The following PTBP2 variants were observed in gnomAD, a reference collection of about 807,000 sequenced individuals.
PTBP2 encodes the protein polypyrimidine tract binding protein 2.
PTBP2 carries 13 observed loss-of-function variants against 61.4 expected under a neutral mutation model. The observed-to-expected ratio is 0.21, with a 90% CI of 0.14 to 0.34. The LOEUF is 0.34. Among genes scored for constraint, PTBP2 ranks in the 10% least tolerant of loss-of-function variants. The pLI, the probability that PTBP2 is intolerant of heterozygous loss-of-function variation, is 1.00. For missense variants in PTBP2, 405 were observed against 642.6 expected (o/e 0.63, Z 4.00); for synonymous variants, 215 against 218.5 (o/e 0.98, Z 0.14).
Position 96,769,691 on chromosome 1 carries a change from A to T in PTBP2, c.116-12A>T. 1 of 1,534,448 alleles carries T rather than the reference A, an allele frequency of 6.5e-7. No individual in the cohort carries two copies. The highest frequency in any genetic ancestry group is 2.1e-5 in the Admixed American group (1 of 48,616). On this transcript the variant is annotated splice_polypyrimidine_tract_variant and intron_variant, in intron 3 of 13. Transcript: ENST00000674951. ...TGTTGATATATAAGGACTGTTTTTT[A>T]ATGTCTTTCAGCCAATGGTAATGAT...
At position 96,791,826 on chromosome 1, in the gene PTBP2, C is replaced by CTTTTTTTTGTTTTTTTTTTTGTTTTTTT. The variant is rs1482989030; in HGVS notation, c.904+6580_904+6581insGTTTTTTTTTTTGTTTTTTTTTTTTTTT. 6.0e-5 allele frequency among the ~76,000 whole-genome samples: 4 copies of CTTTTTTTTGTTTTTTTTTTTGTTTTTTT among 66,126 alleles called. 1 individual carries two copies. The highest frequency in any genetic ancestry group is 1.7e-4 in the Admixed American group (1 of 5,784). The allele number at this position is 66,126 out of a possible 152,430, so 43.4% of individuals were successfully genotyped here. ...TCCACCTCTGTTGCTTGGAGTTGTG[C>CTTTTTTTTGTTTTTTTTTTTGTTTTTTT]TTTTTTTTTTTTTTTTTTTTTTTGA... On this transcript the variant is annotated intron_variant, in intron 8 of 13. Coordinates refer to ENST00000674951, the MANE Select transcript of PTBP2 (RefSeq NM_021190.4).
At chr1:96,768,649 T>A (rs927862888) in intron 3 of PTBP2, among the ~76,000 whole-genome samples, 11 of 152,000 alleles carry the variant, frequency 7.2e-5, no homozygotes, top group Non-Finnish European at 1.3e-4. Flanking sequence ...TTGAATAATA[T>A]TTTTATTTTT....
chr1:96,766,994 A>G (rs1478902018), intron 3 of PTBP2, among the ~76,000 whole-genome samples: 1 of 152,110 alleles, frequency 6.6e-6, no homozygotes, highest in African/African-American at 2.4e-5. Context: ...TTACCTGTAA[A>G]TGGGGTTGAT....
chr1:96,809,950 T>G (rs1164272864), intron 11 of PTBP2, among the ~76,000 whole-genome samples: 3 of 152,092 alleles, frequency 2.0e-5, no homozygotes, highest in Non-Finnish European at 4.4e-5. Flanking sequence ...ACAAGTTGGA[T>G]TCTTTGAAAA....
chr1:96,796,949 C>T (rs1344810280), intron 8 of PTBP2, among the ~76,000 whole-genome samples: 1 of 152,068 alleles, frequency 6.6e-6, no homozygotes, highest in African/African-American at 2.4e-5. Context: ...GAAGATGTAT[C>T]AAAAGAAGTT....
chr1:96,767,564 TCA>T (rs1042573248), intron 3 of PTBP2, among the ~76,000 whole-genome samples: 9 of 152,174 alleles, frequency 5.9e-5, no homozygotes, highest in African/African-American at 2.2e-4. Flanking sequence ...GTTTCTGTAC[TCA>T]GACTGCTTTG....
chr1:96,799,843 A>G (rs1660796030), intron 8 of PTBP2, among the ~76,000 whole-genome samples: 2 of 152,198 alleles, frequency 1.3e-5, no homozygotes, highest in South Asian at 2.1e-4. Flanking sequence ...TTTTTATTGC[A>G]GCAGACAGCA....
At chr1:96,739,306 C>CA (rs555698385) in intron 2 of PTBP2, among the ~76,000 whole-genome samples, 28 of 151,740 alleles carry the variant, frequency 1.8e-4, no homozygotes, top group Non-Finnish European at 2.8e-4. Flanking sequence ...TTTAATTGTA[C>CA]AAAAAAACAC....
At chr1:96,762,949 G>A (rs1436221934) in intron 3 of PTBP2, among the ~76,000 whole-genome samples, 13 of 151,652 alleles carry the variant, frequency 8.6e-5, no homozygotes, top group Non-Finnish European at 1.8e-4. Flanking sequence ...CGGGGCGGCG[G>A]GGCAGCGGCG....
At chr1:96,770,890 C>T in intron 5 of PTBP2, 39 bp downstream of exon 5, 1 of 1,487,934 alleles carries the variant, frequency 6.7e-7, no homozygotes, top group South Asian at 1.2e-5. Flanking sequence ...TGGCCTAGAA[C>T]ATATTATGAA....
In PTBP2 at chr1:96,777,861, T is replaced by A; in HGVS notation, c.623T>A (p.Leu208Ter). Reference sequence around the variant, plus strand: ...ATATTTTCTAAGTTTGGTGCTGTATTGAAGATAATCACATTTACAAAAAAT... The same window carrying A: ...ATATTTTCTAAGTTTGGTGCTGTATAGAAGATAATCACATTTACAAAAAAT... ...HQIFSKFGAVLKIITFTKNNQ... is the reference protein window; with the variant it reads ...HQIFSKFGAV Residue 208 changes from leucine (L) to a stop codon, truncating the protein, a stop_gained, in exon 7 of 14, where the codon TTG (leucine) becomes TAG (stop). Coordinates refer to ENST00000674951, the MANE Select transcript of PTBP2 (RefSeq NM_021190.4). LOFTEE classifies it high-confidence loss of function. 1 of 1,585,694 alleles carries A rather than the reference T, an allele frequency of 6.3e-7. No homozygotes were observed. The highest frequency in any genetic ancestry group is 8.6e-7 in the Non-Finnish European group (1 of 1,163,602).
At chr1:96,768,078 C>T (rs1416757579) in intron 3 of PTBP2, among the ~76,000 whole-genome samples, 1 of 152,046 alleles carries the variant, frequency 6.6e-6, no homozygotes, top group Non-Finnish European at 1.5e-5. Context: ...CTTCTCTGAT[C>T]ATCCAATAAA....
At chr1:96,762,623 C>T (rs1249348254) in intron 3 of PTBP2, among the ~76,000 whole-genome samples, 2 of 145,452 alleles carry the variant, frequency 1.4e-5, no homozygotes, top group Middle Eastern at 8.3e-3. Flanking sequence ...GGCGGCCGGG[C>T]AGAGGCGCCC....
exon 14 of PTBP2, chr1:96,820,208 G>A (rs1571060996): frequency 6.6e-6 from 1 of 151,846 alleles, no homozygotes; most frequent in South Asian, 2.1e-4. Flanking sequence ...CTAATTGGGG[G>A]TGGGGGCAGT....
chr1:96,723,617 A>T (rs1649952290), intron 2 of PTBP2, 23 bp downstream of exon 2: 1 of 1,555,490 alleles, frequency 6.4e-7, no homozygotes, highest in East Asian at 2.3e-5. Flanking sequence ...TATGTTTGAA[A>T]CTGGGATTGT....
intron 7 of PTBP2, among the ~76,000 whole-genome samples, chr1:96,782,976 T>C (rs1658858349): frequency 6.6e-6 from 1 of 151,966 alleles, no homozygotes; most frequent in African/African-American, 2.4e-5. Context: ...TGTCTAAACC[T>C]TCACTGTGAG....
chr1:96,811,345 A>G (rs76171282), intron 11 of PTBP2, among the ~76,000 whole-genome samples: 7,014 of 152,188 alleles, frequency 0.046, 506 homozygotes, highest in African/African-American at 0.15. Context: ...GAAACTCTTT[A>G]AAAGTGGATG....
chr1:96,799,256 T>C (rs186425298), intron 8 of PTBP2, among the ~76,000 whole-genome samples: 19 of 151,788 alleles, frequency 1.3e-4, no homozygotes, highest in Non-Finnish European at 2.5e-4. Context: ...CTCTTTTACA[T>C]TGTTTTATCT....
chr1:96,817,498 G>A (rs933982718), downstream of PTBP2: 4 of 151,970 alleles, frequency 2.6e-5, no homozygotes, highest in East Asian at 7.7e-4. Flanking sequence ...AAATAAAAGT[G>A]TACATGTTAA....
Sources: gnomAD v4.1 joint callset for allele counts (sites outside exome capture counted in the v4.1 genomes callset) on GRCh38, gnomAD v4.1.1 for gene constraint, MANE v1.5 for transcripts, NCBI Gene and HGNC (gene_info 2026-07-23, HGNC 2026-07-21) for gene names.